The following B3GAT1 variants were observed in gnomAD, a reference collection of about 807,000 sequenced individuals.
B3GAT1 encodes galactosylgalactosylxylosylprotein 3-beta-glucuronosyltransferase 1.
A neutral mutation model predicts 28.4 loss-of-function variants in B3GAT1; 11 were observed. The ratio of observed to expected loss-of-function variants is 0.39; its 90% CI spans 0.24 to 0.64. The LOEUF (loss-of-function observed/expected upper bound fraction) is 0.64. B3GAT1 is among the 30% of genes least tolerant of loss of function. The probability of loss-of-function intolerance (pLI) is 0.50; values close to 1 mark genes in which losing one functional copy is unlikely to be tolerated. For missense variants in B3GAT1, 375 were observed against 491.0 expected (o/e 0.76, Z 2.23); for synonymous variants, 255 against 223.1 (o/e 1.14, Z -1.27).
intron 1 of B3GAT1, among the ~76,000 whole-genome samples, chr11:134,406,583 C>CT (rs1944737879): frequency 6.6e-6 from 1 of 151,946 alleles, no homozygotes. Context: ...TTCAATAAGC[C>CT]TTTAAGTGAA....
intron 1 of B3GAT1, among the ~76,000 whole-genome samples, chr11:134,404,027 A>ATATATTTATT (rs1555098477): frequency 1.2e-4 from 13 of 106,752 alleles, no homozygotes; most frequent in African/African-American, 3.9e-4. Flanking sequence ...ATATATATAT[A>ATATATTTATT]TATTTATTAT....
At chr11:134,384,511 G>A in intron 2 of B3GAT1, 1 of 383,494 alleles carries the variant, frequency 2.6e-6, no homozygotes, top group South Asian at 6.5e-5. Flanking sequence ...CTATGAAAAG[G>A]CGTCCCGACC....
Position 134,383,931 on chromosome 11 carries a change from G to A in B3GAT1, c.370C>T (p.Pro124Ser). 1 of 1,596,684 alleles carries A rather than the reference G, an allele frequency of 6.3e-7. No homozygotes were observed. The highest frequency in any genetic ancestry group is 8.5e-7 in the Non-Finnish European group (1 of 1,176,618). ...NLHWLVVEDA[P>S]RRTPLTARLL... ...CGCGCGGTCAGCGGCGTCCGGCGCG[G>A]CGCATCCTCCACCACCAGCCAGTGG... The change falls in exon 3 of 6, where the codon CCG becomes TCG. Residue 124 changes from proline (P) to serine (S), a missense_variant. Coordinates refer to ENST00000312527, the MANE Select transcript of B3GAT1 (RefSeq NM_054025.3).
chr11:134,399,418 TGCCTCCAGTGG>T (rs1268032311), intron 1 of B3GAT1, among the ~76,000 whole-genome samples: 2 of 152,232 alleles, frequency 1.3e-5, no homozygotes, highest in African/African-American at 4.8e-5. Context: ...GGTGGAATGC[TGCCTCCAGTGG>T]GCGCACACCC....
intron 1 of B3GAT1, among the ~76,000 whole-genome samples, chr11:134,407,624 G>A (rs1007757523): frequency 3.9e-5 from 6 of 152,356 alleles, no homozygotes; most frequent in Admixed American, 1.3e-4. Context: ...GGCACTTGGC[G>A]CGGAGGCTGC....
intron 1 of B3GAT1, among the ~76,000 whole-genome samples, chr11:134,407,379 G>A (rs1181395094): frequency 1.3e-5 from 2 of 152,226 alleles, no homozygotes; most frequent in African/African-American, 2.4e-5. Flanking sequence ...CACTCCCCAC[G>A]CCGTGCCGTC....
chr11:134,406,381 C>T (rs904605665), intron 1 of B3GAT1, among the ~76,000 whole-genome samples: 3 of 152,198 alleles, frequency 2.0e-5, no homozygotes, highest in Non-Finnish European at 2.9e-5. Flanking sequence ...GCATCAGCCC[C>T]TCTATCTGGC....
intron 2 of B3GAT1, chr11:134,387,237 C>T: frequency 2.9e-6 from 1 of 339,538 alleles, no homozygotes; most frequent in Admixed American, 4.4e-5. Flanking sequence ...CACTTCCCAC[C>T]TCCGACCTCA....
intron 1 of B3GAT1, among the ~76,000 whole-genome samples, chr11:134,396,233 T>C (rs1031201799): frequency 1.3e-5 from 2 of 152,122 alleles, no homozygotes; most frequent in Non-Finnish European, 2.9e-5. Flanking sequence ...CACGAAGGCA[T>C]GAGCACCGGG....
Position 134,383,713 on chromosome 11 carries a change from G to A in B3GAT1, c.588C>T (p.Asp196=), listed in dbSNP as rs376752569. ...AGAGCTCCAGGCTGTAGGTGTTGTC[G>A]TCGTCGGCGAAGTAGACCACGCCAG... ...SQPGVVYFAD[D]DNTYSLELFE... Residue 196 remains aspartate, a synonymous_variant, in exon 3 of 6, where the codon GAC becomes GAT. Transcript: ENST00000312527. 126 of 1,589,856 alleles carry A rather than the reference G, an allele frequency of 7.9e-5. No homozygotes were observed. The highest frequency in any genetic ancestry group is 1.7e-4 in the Middle Eastern group (1 of 6,008).
At chr11:134,404,092 C>T (rs946195540) in intron 1 of B3GAT1, among the ~76,000 whole-genome samples, 1 of 140,154 alleles carries the variant, frequency 7.1e-6, no homozygotes, top group Non-Finnish European at 1.5e-5. Context: ...CATATGTATA[C>T]ATGTGCCATG....
intron 1 of B3GAT1, among the ~76,000 whole-genome samples, chr11:134,402,355 C>G (rs1368486800): frequency 6.6e-6 from 1 of 152,168 alleles, no homozygotes; most frequent in Admixed American, 6.5e-5. Context: ...GATTCCCCAT[C>G]CCTCTTCTCT....
intron 1 of B3GAT1, among the ~76,000 whole-genome samples, chr11:134,405,653 C>A (rs989713396): frequency 1.3e-5 from 2 of 152,216 alleles, no homozygotes; most frequent in Admixed American, 1.3e-4. Flanking sequence ...CATCTGCCTG[C>A]CAGTAGTACC....
At chr11:134,404,669 G>A (rs939907558) in intron 1 of B3GAT1, among the ~76,000 whole-genome samples, 1 of 152,178 alleles carries the variant, frequency 6.6e-6, no homozygotes, top group Admixed American at 6.5e-5. Flanking sequence ...CAAGGCTCCA[G>A]GTACGCCACT....
In B3GAT1 at chr11:134,407,625, C is replaced by T. The variant is rs377739530; in HGVS notation, c.-282+4182G>A. ...CTTAATCCCTGCCAGGCACTTGGCGCGGAGGCTGCCTCCTGCCCTGCTGTC... is the reference window on the plus strand; with the variant it reads ...CTTAATCCCTGCCAGGCACTTGGCGTGGAGGCTGCCTCCTGCCCTGCTGTC... On this transcript the variant is annotated intron_variant, in intron 1 of 5. Transcript: ENST00000312527. 1.1e-4 allele frequency among the ~76,000 whole-genome samples: 16 copies of T among 152,310 alleles called. 1 individual carries two copies. The highest frequency in any genetic ancestry group is 2.9e-4 in the African/African-American group (12 of 41,584).
intron 2 of B3GAT1, chr11:134,386,041 AC>A (rs1342022038): frequency 1.3e-5 from 2 of 152,274 alleles, no homozygotes; most frequent in African/African-American, 4.8e-5. Context: ...TTGCAAGATA[AC>A]AATGATTCTG....
At chr11:134,384,699 C>T (rs1247205153) in intron 2 of B3GAT1, 1 of 154,220 alleles carries the variant, frequency 6.5e-6, no homozygotes, top group African/African-American at 2.4e-5. Flanking sequence ...TGAGGCAGCT[C>T]CCGGAGTTCT....
intron 1 of B3GAT1, among the ~76,000 whole-genome samples, chr11:134,395,197 C>CT (rs138696773): frequency 0.14 from 21,171 of 152,026 alleles, 1,570 homozygotes; most frequent in African/African-American, 0.17. Context: ...CTGCTCTCTG[C>CT]TGGGGCACGC....
chr11:134,388,248 A>T (rs1440483), intron 1 of B3GAT1: 3 of 238,022 alleles, frequency 1.3e-5, no homozygotes, highest in African/African-American at 6.6e-5. Flanking sequence ...ACCTTTGCCA[A>T]GTCATTTCCG....
Sources: allele counts gnomAD v4.1 joint callset (sites outside exome capture counted in the v4.1 genomes callset), GRCh38; gene constraint gnomAD v4.1.1; transcripts MANE v1.5; gene names NCBI Gene and HGNC (gene_info 2026-07-23, HGNC 2026-07-21).